TMTC2: variants seen among roughly 807,000 people sequenced by gnomAD.
The protein encoded by TMTC2 is transmembrane O-mannosyltransferase targeting cadherins 2.
TMTC2 carries 43 observed loss-of-function variants against 82.4 expected under a neutral mutation model. That is an observed-to-expected ratio of 0.52 (90% CI 0.41 to 0.67). The LOEUF (loss-of-function observed/expected upper bound fraction) is 0.67, where lower values mean the gene tolerates loss of function less well. Among genes scored for constraint, TMTC2 ranks in the 30% least tolerant of loss-of-function variants. TMTC2 has a pLI of 0.00. For missense variants in TMTC2, 919 were observed against 1,012.4 expected (o/e 0.91, Z 1.25); for synonymous variants, 408 against 381.9 (o/e 1.07, Z -0.80).
At chr12:83,028,794 A>G (rs1047875866) in intron 8 of TMTC2, among the ~76,000 whole-genome samples, 1 of 152,174 alleles carries the variant, frequency 6.6e-6, no homozygotes, top group African/African-American at 2.4e-5. Flanking sequence ...GAGAAACCTA[A>G]TCGGTAAGAT....
At chr12:82,939,218 A>G (rs1876570904) in intron 4 of TMTC2, among the ~76,000 whole-genome samples, 1 of 151,890 alleles carries the variant, frequency 6.6e-6, no homozygotes, top group Non-Finnish European at 1.5e-5. Flanking sequence ...CTAATTTTCT[A>G]TTGTGTAGGC....
intron 1 of TMTC2, among the ~76,000 whole-genome samples, chr12:82,829,343 T>G (rs2137074276): frequency 6.6e-6 from 1 of 152,324 alleles, no homozygotes; most frequent in East Asian, 1.9e-4. Context: ...TGTCCTTACC[T>G]CTCTATAATT....
chr12:82,862,292 C>A (rs1483616430), intron 2 of TMTC2, among the ~76,000 whole-genome samples: 1 of 152,128 alleles, frequency 6.6e-6, no homozygotes, highest in East Asian at 1.9e-4. Flanking sequence ...TTTTTCTTGC[C>A]CAACGTCAGT....
chr12:83,015,500 G>A (rs1024345438), intron 8 of TMTC2, among the ~76,000 whole-genome samples: 10 of 152,190 alleles, frequency 6.6e-5, no homozygotes, highest in Non-Finnish European at 1.3e-4. Flanking sequence ...AGCGAGTCCT[G>A]TGCAGCTCAC....
intron 8 of TMTC2, among the ~76,000 whole-genome samples, chr12:83,027,961 T>C (rs1438015648): frequency 6.6e-6 from 1 of 152,194 alleles, no homozygotes; most frequent in Non-Finnish European, 1.5e-5. Context: ...AAGTGGAAGC[T>C]TCTTTTTTAA....
chr12:82,687,769 C>G, intron 1 of TMTC2, 100 bp downstream of exon 1: 2 of 1,166,876 alleles, frequency 1.7e-6, no homozygotes, highest in Admixed American at 2.0e-5. Context: ...CTTGGAGGAA[C>G]TGGTTCAGCA....
chr12:82,855,526 T>G (rs1871221903), intron 1 of TMTC2, among the ~76,000 whole-genome samples: 1 of 152,174 alleles, frequency 6.6e-6, no homozygotes, highest in Non-Finnish European at 1.5e-5. Context: ...GATATCAGAC[T>G]AGGCAAGAGT....
chr12:82,993,001 T>G (rs1160916565), intron 8 of TMTC2, among the ~76,000 whole-genome samples: 1 of 152,138 alleles, frequency 6.6e-6, no homozygotes, highest in African/African-American at 2.4e-5. Context: ...TTATTTATTT[T>G]TGAGATGGAT....
chr12:83,032,285 A>ATATATATATATATG lies in TMTC2; in HGVS notation c.2152+1416_2152+1417insTATGTATATATATA, dbSNP rs1555206990. 5.8e-5 allele frequency among the ~76,000 whole-genome samples: 5 copies of ATATATATATATATG among 85,672 alleles called. No individual in the cohort carries two copies. In the East Asian group the frequency reaches 1.2e-3, roughly 21 times the overall value. 56.2% of individuals were successfully genotyped at this position (85,672 alleles called of 152,430 possible). A position where few individuals can be genotyped will look rare whatever the true frequency, so the allele number is the denominator to read the frequency against. The stretch of plus-strand genomic sequence containing the variant: ...TATATATATATATATATATATATAT[A>ATATATATATATATG]TATATATATAGGTTTGTCACAATCC... On this transcript the variant is annotated intron_variant, in intron 9 of 11. Coordinates refer to ENST00000321196, the MANE Select transcript of TMTC2 (RefSeq NM_152588.3).
intron 1 of TMTC2, among the ~76,000 whole-genome samples, chr12:82,825,953 A>C (rs2137069944): frequency 6.6e-6 from 1 of 152,270 alleles, no homozygotes; most frequent in South Asian, 2.1e-4. Flanking sequence ...TACACAAATT[A>C]TTGCGAATGG....
intron 4 of TMTC2, among the ~76,000 whole-genome samples, chr12:82,945,122 T>C (rs1876929462): frequency 6.6e-6 from 1 of 152,164 alleles, no homozygotes; most frequent in Non-Finnish European, 1.5e-5. Context: ...GAACTAACTA[T>C]TAAGCCTTGC....
At chr12:82,771,206 C>CAAAA (rs56743424) in intron 1 of TMTC2, among the ~76,000 whole-genome samples, 2 of 87,022 alleles carry the variant, frequency 2.3e-5, no homozygotes, top group African/African-American at 3.7e-5. Context: ...GACTCTGTCT[C>CAAAA]AAAAAAAAAA....
intron 8 of TMTC2, among the ~76,000 whole-genome samples, chr12:83,017,715 C>T (rs1880735932): frequency 6.6e-6 from 1 of 151,454 alleles, no homozygotes. Flanking sequence ...GTTACTTTTT[C>T]TTTAATCTAA....
At chr12:82,966,768 CA>C in intron 6 of TMTC2, 150 bp from the exon 7 acceptor site, 1 of 525,456 alleles carries the variant, frequency 1.9e-6, no homozygotes, top group East Asian at 3.1e-5. Context: ...TAGTATGCCA[CA>C]AAAGGACAGT....
rs919328401 is a variant in TMTC2, at chr12:82,814,164, T to A, written c.84-42846T>A. Among the ~76,000 whole-genome samples, 4 of 152,236 alleles carry A rather than the reference T, an allele frequency of 2.6e-5. 1 individual carries two copies. Among genetic ancestry groups the A allele is most frequent in the African/African-American group, 7.2e-5 (3 of 41,558 alleles). On this transcript the variant is annotated intron_variant, in intron 1 of 11. Coordinates refer to ENST00000321196, the MANE Select transcript of TMTC2 (RefSeq NM_152588.3). ...AGCATTAGATTCCAGTTAATCGGCC[T>A]GCAAAGTAAATTTTATTAACCACTC...
intron 1 of TMTC2, among the ~76,000 whole-genome samples, chr12:82,828,637 A>T (rs1339937480): frequency 6.6e-6 from 1 of 152,196 alleles, no homozygotes; most frequent in Non-Finnish European, 1.5e-5. Flanking sequence ...AGGAAAAGAA[A>T]CATCATAAAA....
Position 83,108,245 on chromosome 12 carries a change from T to C in TMTC2, c.2332-23965T>C, listed in dbSNP as rs146609174. Among the ~76,000 whole-genome samples the C allele has an allele frequency of 6.7e-4, 102 of 152,292 alleles. No individual in the cohort carries two copies. The East Asian group carries it at 0.019, about 29-fold the overall frequency. On this transcript the variant is annotated intron_variant, in intron 11 of 11. Coordinates refer to ENST00000321196, the MANE Select transcript of TMTC2 (RefSeq NM_152588.3). ...GTAATACTACTAATCATTAATTACA[T>C]AGTTCCTTTAATTTACTTGATTTAT...
intron 8 of TMTC2, among the ~76,000 whole-genome samples, chr12:83,026,569 A>G (rs754868968): frequency 1.1e-4 from 16 of 152,212 alleles, no homozygotes; most frequent in Middle Eastern, 3.4e-3. Context: ...ATTTGTCACT[A>G]AAGATAAGGG....
At chr12:82,713,356 G>A (rs991610748) in intron 1 of TMTC2, among the ~76,000 whole-genome samples, 1 of 151,838 alleles carries the variant, frequency 6.6e-6, no homozygotes, top group Non-Finnish European at 1.5e-5. Flanking sequence ...AACAAAAACC[G>A]AGAAAGAGAG....
Sources: allele counts gnomAD v4.1 joint callset (sites outside exome capture counted in the v4.1 genomes callset), GRCh38; gene constraint gnomAD v4.1.1; transcripts MANE v1.5; gene names NCBI Gene and HGNC (gene_info 2026-07-23, HGNC 2026-07-21).